Variants in WDFY2 observed in about 807,000 individuals in gnomAD.
WDFY2 encodes WD repeat and FYVE domain containing 2.
WDFY2 carries 36 observed loss-of-function variants against 56.4 expected under a neutral mutation model. The ratio of observed to expected loss-of-function variants is 0.64; its 90% CI spans 0.49 to 0.84. The LOEUF (loss-of-function observed/expected upper bound fraction) is 0.84, where lower values mean the gene tolerates loss of function less well. WDFY2 is among the 40% of genes least tolerant of loss of function. WDFY2 has a pLI of 0.00. For missense variants in WDFY2, 444 were observed against 512.2 expected (o/e 0.87, Z 1.29); for synonymous variants, 176 against 183.7 (o/e 0.96, Z 0.34).
intron 7 of WDFY2, among the ~76,000 whole-genome samples, chr13:51,743,453 G>T (rs909415188): frequency 1.3e-5 from 2 of 152,156 alleles, no homozygotes; most frequent in Admixed American, 6.5e-5. Context: ...AAATATAAAT[G>T]ATGTAATGCA....
chr13:51,668,560 TC>T (rs1304802835), intron 2 of WDFY2, among the ~76,000 whole-genome samples: 4 of 152,240 alleles, frequency 2.6e-5, no homozygotes, highest in African/African-American at 9.6e-5. Context: ...TAAATATTAT[TC>T]TATTATAAGC....
intron 3 of WDFY2, among the ~76,000 whole-genome samples, chr13:51,686,275 C>A (rs955477188): frequency 6.6e-6 from 1 of 152,104 alleles, no homozygotes; most frequent in Non-Finnish European, 1.5e-5. Context: ...TGAGGGTGAT[C>A]TGTGCCTCAT....
chr13:51,688,665 C>A (rs980304199), intron 3 of WDFY2, among the ~76,000 whole-genome samples: 4 of 152,168 alleles, frequency 2.6e-5, no homozygotes, highest in Non-Finnish European at 5.9e-5. Context: ...AAGATCCAAA[C>A]TTCTTTCACC....
chr13:51,714,788 A>T (rs1952306880), intron 4 of WDFY2, among the ~76,000 whole-genome samples: 1 of 152,218 alleles, frequency 6.6e-6, no homozygotes, highest in Admixed American at 6.5e-5. Context: ...TGAGAAATGC[A>T]TTGTTAGGCG....
chr13:51,728,554 CAGG>C (rs1032508085), intron 6 of WDFY2, among the ~76,000 whole-genome samples: 4 of 151,770 alleles, frequency 2.6e-5, no homozygotes, highest in African/African-American at 9.7e-5. Context: ...TTGTGTAAAA[CAGG>C]AGAATACTGA....
At position 51,616,812 on chromosome 13, in the gene WDFY2, A is replaced by G. The variant is rs963454699; in HGVS notation, c.137+31988A>G. On this transcript the variant is annotated intron_variant, in intron 1 of 11. Coordinates refer to ENST00000298125, the MANE Select transcript of WDFY2 (RefSeq NM_052950.4). ...GGTGACACTTCAACAGGGTACTATG[A>G]GATGAGTTACCATATGTAAAGCTTT... is the stretch of plus-strand genomic sequence containing the variant. Among the ~76,000 whole-genome samples, 7 of 152,364 alleles carry G rather than the reference A, an allele frequency of 4.6e-5. No individual in the cohort carries two copies. In the East Asian group the frequency reaches 1.3e-3, roughly 29 times the overall value.
At chr13:51,621,311 C>T (rs1165105677) in intron 1 of WDFY2, among the ~76,000 whole-genome samples, 1 of 152,152 alleles carries the variant, frequency 6.6e-6, no homozygotes, top group East Asian at 1.9e-4. Flanking sequence ...CCGAGACCAG[C>T]CTGGCCAACA....
intron 1 of WDFY2, among the ~76,000 whole-genome samples, chr13:51,651,251 G>A (rs191954755): frequency 7.9e-5 from 12 of 152,174 alleles, no homozygotes; most frequent in East Asian, 1.9e-4. Context: ...CTGTGGGATC[G>A]GTGGTGATAT....
At chr13:51,622,039 ATTG>A (rs1954739663) in intron 1 of WDFY2, among the ~76,000 whole-genome samples, 1 of 152,082 alleles carries the variant, frequency 6.6e-6, no homozygotes, top group South Asian at 2.1e-4. Context: ...GGAAAGATGG[ATTG>A]TTTAGTTTCA....
chr13:51,690,229 T>A (rs1956128535), intron 3 of WDFY2, among the ~76,000 whole-genome samples: 1 of 151,220 alleles, frequency 6.6e-6, no homozygotes, highest in Non-Finnish European at 1.5e-5. Context: ...AGTTTTAGGG[T>A]ACATGTGCAC....
At chr13:51,753,040 TG>T (rs1446178091) in intron 8 of WDFY2, 3 of 152,222 alleles carry the variant, frequency 2.0e-5, no homozygotes, top group Non-Finnish European at 4.4e-5. Flanking sequence ...AAATTATAGT[TG>T]ATATATGCTA....
At chr13:51,591,134 C>T (rs1351620007) in intron 1 of WDFY2, 1 of 152,210 alleles carries the variant, frequency 6.6e-6, no homozygotes, top group Non-Finnish European at 1.5e-5. Context: ...CTAGCTATGA[C>T]TCTTGTACTG....
At chr13:51,745,472 T>G (rs1215184486) in intron 7 of WDFY2, among the ~76,000 whole-genome samples, 2 of 152,026 alleles carry the variant, frequency 1.3e-5, no homozygotes, top group Non-Finnish European at 2.9e-5. Context: ...GAGTGTGGGA[T>G]TAGGTGTGTC....
At chr13:51,672,388 C>T (rs916100182) in intron 2 of WDFY2, among the ~76,000 whole-genome samples, 3 of 152,072 alleles carry the variant, frequency 2.0e-5, no homozygotes, top group African/African-American at 7.2e-5. Context: ...GGTTCTGTTT[C>T]CTGCTCTATT....
At chr13:51,606,381 T>A (rs1954385278) in intron 1 of WDFY2, among the ~76,000 whole-genome samples, 1 of 152,158 alleles carries the variant, frequency 6.6e-6, no homozygotes. Context: ...GGAGAAGAAA[T>A]TACCTATGCT....
Position 51,723,268 on chromosome 13 carries a change from T to C in WDFY2, c.485+3920T>C, listed in dbSNP as rs577659678. On this transcript the variant is annotated intron_variant, in intron 5 of 11. Coordinates refer to ENST00000298125, the MANE Select transcript of WDFY2 (RefSeq NM_052950.4). Reference sequence around the variant, plus strand: ...TGGGTTACTTTTTCAGTAATCACAATGCTATTGTTACATCTAAAAATTAAC... The same window carrying C: ...TGGGTTACTTTTTCAGTAATCACAACGCTATTGTTACATCTAAAAATTAAC... Among the ~76,000 whole-genome samples the C allele has an allele frequency of 2.0e-5, 3 of 152,368 alleles. No homozygotes were observed. In the East Asian group the frequency reaches 5.8e-4, roughly 29 times the overall value.
At chr13:51,722,101 T>C (rs1403127161) in intron 5 of WDFY2, among the ~76,000 whole-genome samples, 1 of 151,054 alleles carries the variant, frequency 6.6e-6, no homozygotes, top group Admixed American at 6.6e-5. Context: ...ATTTTATGAA[T>C]CAACATAAAA....
At chr13:51,708,326 TAAAA>T (rs60374574) in intron 4 of WDFY2, among the ~76,000 whole-genome samples, 3 of 140,870 alleles carry the variant, frequency 2.1e-5, no homozygotes, top group Non-Finnish European at 3.1e-5. Context: ...ACCCCATCTC[TAAAA>T]AAAAAAAAAA....
intron 1 of WDFY2, among the ~76,000 whole-genome samples, chr13:51,651,330 G>A (rs1319763200): frequency 2.0e-5 from 3 of 151,962 alleles, no homozygotes; most frequent in Non-Finnish European, 1.5e-5. Context: ...TCTTGCTAGT[G>A]GTCTATCAAT....
Sources: gnomAD v4.1 joint callset for allele counts (sites outside exome capture counted in the v4.1 genomes callset) on GRCh38, gnomAD v4.1.1 for gene constraint, MANE v1.5 for transcripts, NCBI Gene and HGNC (gene_info 2026-07-23, HGNC 2026-07-21) for gene names.